DDX19B: variants seen among roughly 807,000 people sequenced by gnomAD.
DDX19B encodes ATP-dependent RNA helicase DDX19B.
A neutral mutation model predicts 58.1 loss-of-function variants in DDX19B; 27 were observed. The ratio of observed to expected loss-of-function variants is 0.46; its 90% confidence interval spans 0.34 to 0.64. DDX19B has a LOEUF of 0.64. Among genes scored for constraint, DDX19B ranks in the 30% least tolerant of loss-of-function variants. The probability of loss-of-function intolerance (pLI) is 0.01; values close to 1 mark genes in which losing one functional copy is unlikely to be tolerated. For missense variants in DDX19B, 399 were observed against 596.5 expected, an observed-to-expected ratio of 0.67 and a Z score of 3.45; for synonymous variants, 187 against 214.4, an observed-to-expected ratio of 0.87 and a Z score of 1.12.
chr16:70,310,451 G>C (rs945329974), intron 1 of DDX19B, among the ~76,000 whole-genome samples: 1 of 152,066 alleles, frequency 6.6e-6, no homozygotes, highest in African/African-American at 2.4e-5. Flanking sequence ...TAAGGCAGGA[G>C]GATTGCCTGA....
upstream of DDX19B, among the ~76,000 whole-genome samples, chr16:70,298,037 G>C (rs1050948111): frequency 6.6e-6 from 1 of 152,200 alleles, no homozygotes; most frequent in Non-Finnish European, 1.5e-5. Flanking sequence ...CACTTTGGGA[G>C]GTGGAGGTGG....
upstream of DDX19B, among the ~76,000 whole-genome samples, chr16:70,291,589 C>T (rs1248660472): frequency 6.6e-6 from 1 of 152,052 alleles, no homozygotes; most frequent in Non-Finnish European, 1.5e-5. Flanking sequence ...GCAGGCAGAT[C>T]ATGAGGTCAG....
rs75159803 is a variant in DDX19B at position 70,301,696 on chromosome 16, CT to C, written c.57+2358del. Among the ~76,000 whole-genome samples the C allele has an allele frequency of 7.1e-3, 963 of 136,560 alleles. 3 individuals carry two copies. Among genetic ancestry groups the C allele is most frequent in the African/African-American group, 0.015 (556 of 36,202 alleles). The allele number at this position is 136,560 out of a possible 152,430, so 89.6% of individuals were successfully genotyped here. ...TTTCTCTCTTTCTTTCTCTCTCTCT[CT>C]TTTTTTTTTTTTTTTAAGACAGTGT... is the stretch of plus-strand genomic sequence containing the variant. On this transcript the variant is annotated intron_variant, in intron 1 of 11. Coordinates refer to ENST00000288071, the MANE Select transcript of DDX19B (RefSeq NM_007242.7).
At chr16:70,294,897 A>G, upstream of DDX19B, 2 of 1,527,412 alleles carry the variant, frequency 1.3e-6, no homozygotes, top group Non-Finnish European at 1.7e-6. Context: ...GCGGTTTCCC[A>G]TCACCCTGCC....
Position 70,334,305 on chromosome 16 carries a change from A to AG in DDX19B, c.*724dup, listed in dbSNP as rs1325558149. The AG allele has an allele frequency of 6.6e-6, 1 of 152,228 alleles. No individual in the cohort carries two copies. The allele number at this position is 152,228 out of a possible 1,614,324, so 9.4% of individuals were successfully genotyped here. The stretch of plus-strand genomic sequence containing the variant: ...TTGGTGGGTCCTGTGCCTGTGCTTA[A>AG]GCAAGTCCTGTGGAGAAGTCATCAT... On this transcript the variant is annotated 3_prime_UTR_variant, in exon 12 of 12. Transcript: ENST00000288071.
At chr16:70,307,253 T>C (rs1429402688) in intron 1 of DDX19B, among the ~76,000 whole-genome samples, 1 of 152,218 alleles carries the variant, frequency 6.6e-6, no homozygotes, top group African/African-American at 2.4e-5. Flanking sequence ...ACTGCTGGAT[T>C]ATATAGTAAT....
chr16:70,328,054 T>C (rs1029376057), intron 7 of DDX19B, among the ~76,000 whole-genome samples: 1 of 151,558 alleles, frequency 6.6e-6, no homozygotes, highest in Admixed American at 6.6e-5. Flanking sequence ...CTCAGGAGGC[T>C]GAGGCAGGAG....
chr16:70,314,361 G>C (rs915538703), intron 2 of DDX19B, among the ~76,000 whole-genome samples: 6 of 151,768 alleles, frequency 4.0e-5, no homozygotes, highest in Admixed American at 1.3e-4. Context: ...CCTAGAATAG[G>C]AAAGAATATG....
At chr16:70,313,406 C>A (rs1962188427) in intron 2 of DDX19B, among the ~76,000 whole-genome samples, 1 of 152,170 alleles carries the variant, frequency 6.6e-6, no homozygotes, top group African/African-American at 2.4e-5. Context: ...CCGCCTCAGC[C>A]TCCCAAAGTG....
chr16:70,294,780 G>A, upstream of DDX19B: 1 of 1,300,078 alleles, frequency 7.7e-7, no homozygotes, highest in Non-Finnish European at 1.0e-6. Context: ...CTCAGCCAAT[G>A]AGGCTCCGGC....
chr16:70,291,979 T>TA (rs961369023), upstream of DDX19B, among the ~76,000 whole-genome samples: 1,253 of 144,916 alleles, frequency 8.6e-3, 17 homozygotes, highest in African/African-American at 0.026. Context: ...GAGACTCTGT[T>TA]AAAAAAAAAA....
chr16:70,312,586 C>T, intron 1 of DDX19B, 23 bp from the exon 2 acceptor site: 4 of 1,609,874 alleles, frequency 2.5e-6, no homozygotes, highest in Non-Finnish European at 2.5e-6. Context: ...ACACTTTCCC[C>T]CTCCCCCATA....
chr16:70,326,537 TTTTA>T (rs762310390), intron 7 of DDX19B, among the ~76,000 whole-genome samples: 70 of 152,266 alleles, frequency 4.6e-4, no homozygotes, highest in Non-Finnish European at 8.4e-4. Context: ...ATTTGTTTAT[TTTTA>T]TTTATTTATT....
chr16:70,299,238 C>A lies in DDX19B; in HGVS notation c.-60C>A. 1 of 1,483,734 alleles carries A rather than the reference C, an allele frequency of 6.7e-7. No individual in the cohort carries two copies. The highest frequency in any genetic ancestry group is 1.3e-5 in the South Asian group (1 of 74,654). The allele number at this position is 1,483,734 out of a possible 1,614,324, so 91.9% of individuals were successfully genotyped here. On this transcript the variant is annotated 5_prime_UTR_variant, in exon 1 of 12. Transcript: ENST00000288071. ...GCCTGCCGCGAACCCCCGGAGCCCACGATCCCTCGTGCCATCCCTCGAATC... is the reference window on the plus strand; with the variant it reads ...GCCTGCCGCGAACCCCCGGAGCCCAAGATCCCTCGTGCCATCCCTCGAATC...
chr16:70,324,592 A>G lies in DDX19B; in HGVS notation c.397A>G (p.Asn133Asp), dbSNP rs61757207. 0.012 allele frequency: 19,304 copies of G among 1,613,334 alleles called. 151 individuals are homozygous for G. The highest frequency in any genetic ancestry group is 0.014 in the Non-Finnish European group (16,560 of 1,179,758). The change falls in exon 6 of 12, where the codon AAC (asparagine) becomes GAC (aspartate). Residue 133 changes from asparagine to aspartate, a missense_variant. Asn to Asp is a conservative substitution (Grantham distance 23, BLOSUM62 1). This residue lies in a region of DDX19B where 132 missense variants were observed against 159.4 expected (regional missense o/e 0.83). Coordinates refer to ENST00000288071, the MANE Select transcript of DDX19B (RefSeq NM_007242.7). ...LPLMLAEPPQNLIAQSQSGTG... is the reference protein window; with the variant it reads ...LPLMLAEPPQDLIAQSQSGTG... ...AGTTTGTTTCTTGCGCAGCCCACAG[A>G]ACTTAATTGCCCAATCTCAGTCTGG...
At chr16:70,327,244 T>A (rs1476265423) in intron 7 of DDX19B, among the ~76,000 whole-genome samples, 1 of 151,966 alleles carries the variant, frequency 6.6e-6, no homozygotes, top group East Asian at 1.9e-4. Flanking sequence ...TCTAAAAATT[T>A]TTTTTGTAGG....
At chr16:70,316,270 C>T (rs771023947) in intron 4 of DDX19B, 166 bp downstream of exon 4, 89 of 947,112 alleles carry the variant, frequency 9.4e-5, no homozygotes, top group Admixed American at 2.7e-4. Context: ...AGTGCAGTAG[C>T]GCGATCTCGG....
At chr16:70,293,660 G>A (rs1323401355), upstream of DDX19B, among the ~76,000 whole-genome samples, 1 of 132,902 alleles carries the variant, frequency 7.5e-6, no homozygotes, top group Non-Finnish European at 1.5e-5. Flanking sequence ...GCCGGACTGC[G>A]GACTGCAGTG....
At chr16:70,329,766 G>A (rs766751158) in intron 8 of DDX19B, 65 bp from the exon 9 acceptor site, 9 of 1,601,730 alleles carry the variant, frequency 5.6e-6, no homozygotes, top group Non-Finnish European at 7.7e-6. Context: ...TCCCAGCTGG[G>A]AAGGCTGTGC....
Sources: gnomAD v4.1 joint callset for allele counts (sites outside exome capture counted in the v4.1 genomes callset) on GRCh38, gnomAD v4.1.1 for gene constraint, gnomAD v4.1.1 regional missense constraint, MANE v1.5 for transcripts, NCBI Gene and HGNC (gene_info 2026-07-23, HGNC 2026-07-21) for gene names.